TAF4B: variants seen among roughly 807,000 people sequenced by gnomAD.
TAF4B encodes the protein TATA-box binding protein associated factor 4b.
Under a neutral mutation model 86.4 loss-of-function variants are expected in TAF4B, and 38 were observed. The observed-to-expected ratio is 0.44, with a 90% CI of 0.34 to 0.58. TAF4B has a LOEUF of 0.58. Ranked by LOEUF, TAF4B falls within the 20% of genes least tolerant of loss-of-function variation. The pLI is 0.02. For synonymous variants in TAF4B, 388 were observed against 391.2 expected (o/e 0.99, Z 0.10); for missense variants, 988 against 1,027.6 (o/e 0.96, Z 0.53).
chr18:26,303,621 TCCCTCCACTTTCATACC>T (rs71169845), intron 9 of TAF4B, among the ~76,000 whole-genome samples: 20,007 of 35,156 alleles, frequency 0.57, 9,197 homozygotes, highest in Non-Finnish European at 0.69. Flanking sequence ...ACTTTCATCC[TCCCTCCACTTTCATACC>T]CCCTCCACTT....
intron 14 of TAF4B, among the ~76,000 whole-genome samples, chr18:26,384,127 G>A (rs1049704006): frequency 6.6e-5 from 10 of 152,108 alleles, no homozygotes; most frequent in Admixed American, 5.2e-4. Context: ...CCTTAAAGCT[G>A]AAAAGACTTG....
At chr18:26,272,788 G>A (rs2056337538) in intron 3 of TAF4B, among the ~76,000 whole-genome samples, 1 of 152,094 alleles carries the variant, frequency 6.6e-6, no homozygotes, top group Non-Finnish European at 1.5e-5. Flanking sequence ...AAATTTATTA[G>A]AAAATCTCCA....
At chr18:26,332,387 C>T (rs1188409662) in intron 12 of TAF4B, among the ~76,000 whole-genome samples, 3 of 152,200 alleles carry the variant, frequency 2.0e-5, no homozygotes, top group Non-Finnish European at 2.9e-5. Context: ...AATTGCTCTG[C>T]GTGCCTTTCC....
At chr18:26,344,592 G>A (rs894613016) in intron 13 of TAF4B, among the ~76,000 whole-genome samples, 2 of 152,094 alleles carry the variant, frequency 1.3e-5, no homozygotes, top group Non-Finnish European at 2.9e-5. Context: ...GACACCAAAG[G>A]GAAGCTGAAC....
chr18:26,292,771 C>T (rs1469249082), intron 8 of TAF4B, among the ~76,000 whole-genome samples: 5 of 152,170 alleles, frequency 3.3e-5, no homozygotes, highest in African/African-American at 1.2e-4. Context: ...GGTCAATCCA[C>T]CCACCTTGGC....
At position 26,252,845 on chromosome 18, in the gene TAF4B, A is replaced by G. The variant is rs139267579; in HGVS notation, c.344-12325A>G. 2.0e-3 allele frequency among the ~76,000 whole-genome samples: 305 copies of G among 149,832 alleles called. 1 individual carries two copies. The highest frequency in any genetic ancestry group is 7.2e-3 in the African/African-American group (295 of 40,980). Reference sequence around the variant, plus strand: ...TTTATTTATTTATATATATTTTATTATTAGTTATTGTTGCCAGTATGTTAC... The same window carrying G: ...TTTATTTATTTATATATATTTTATTGTTAGTTATTGTTGCCAGTATGTTAC... On this transcript the variant is annotated intron_variant, in intron 1 of 14. Coordinates refer to ENST00000269142, the MANE Select transcript of TAF4B (RefSeq NM_005640.3).
chr18:26,373,260 G>A (rs1467956517), intron 14 of TAF4B, among the ~76,000 whole-genome samples: 1 of 152,088 alleles, frequency 6.6e-6, no homozygotes, highest in African/African-American at 2.4e-5. Context: ...CCCTAGTCAG[G>A]AGGTCCAAAG....
intron 9 of TAF4B, among the ~76,000 whole-genome samples, chr18:26,303,330 A>C (rs1252997902): frequency 9.3e-5 from 6 of 64,684 alleles, no homozygotes; most frequent in African/African-American, 2.0e-4. Context: ...CCACTTTCAT[A>C]CCTCCTCCAC....
At chr18:26,336,586 C>CAAGA (rs1280633722) in intron 13 of TAF4B, among the ~76,000 whole-genome samples, 2 of 152,056 alleles carry the variant, frequency 1.3e-5, no homozygotes, top group African/African-American at 4.8e-5. Flanking sequence ...TTTTCAGCAA[C>CAAGA]AAGATATTCC....
chr18:26,226,790 G>A lies in TAF4B; in HGVS notation c.-144G>A, dbSNP rs1262648335. On this transcript the variant is annotated 5_prime_UTR_variant, in exon 1 of 15. Transcript: ENST00000269142. ...TGCCGTGCAGCGGGCGCCCGTCACT[G>A]ACTTCGCTGCTGCGGCCCCCGCGCC... The A allele has an allele frequency of 8.3e-6, 5 of 600,718 alleles. No individual in the cohort carries two copies. Among genetic ancestry groups the A allele is most frequent in the Non-Finnish European group, 1.3e-5 (5 of 393,780 alleles). The allele number at this position is 600,718 out of a possible 1,614,324, so 37.2% of individuals were successfully genotyped here.
intron 1 of TAF4B, among the ~76,000 whole-genome samples, chr18:26,242,455 C>T (rs980339654): frequency 1.4e-4 from 22 of 152,140 alleles, no homozygotes; most frequent in Admixed American, 2.6e-4. Context: ...TCCTCCATCC[C>T]TTTATTTTGA....
chr18:26,278,645 A>G (rs1213576423), intron 5 of TAF4B, among the ~76,000 whole-genome samples: 12 of 148,956 alleles, frequency 8.1e-5, no homozygotes, highest in African/African-American at 3.0e-4. Context: ...CCAAGCACAT[A>G]GCACTGTAGA....
intron 7 of TAF4B, 119 bp downstream of exon 7, chr18:26,286,618 TA>T (rs1312091043): frequency 1.9e-6 from 2 of 1,075,382 alleles, no homozygotes; most frequent in Admixed American, 4.3e-5. Context: ...TTTGACCAAT[TA>T]ATTTTTTTTT....
At position 26,286,323 on chromosome 18, in the gene TAF4B, G is replaced by A; in HGVS notation, c.1414G>A (p.Gly472Arg). Residue 472 changes from glycine to arginine, a missense_variant, in exon 7 of 15, where the codon GGA becomes AGA. By Grantham distance (125) the Gly-to-Arg change is moderately radical (BLOSUM62 -2). This residue lies in a region of TAF4B where 747 missense variants were observed against 737.9 expected (regional missense o/e 1.01). Transcript: ENST00000269142. ...ACTGTCCCTTCCAGCAGTAACTTTT[G>A]GAGAAACTTCAGGTGCAGCTATTTG... ...VTLSLPAVTFGETSGAAICLP... is the reference protein window; with the variant it reads ...VTLSLPAVTFRETSGAAICLP... 1 of 1,614,190 alleles carries A rather than the reference G, an allele frequency of 6.2e-7. No homozygotes were observed. The highest frequency in any genetic ancestry group is 8.5e-7 in the Non-Finnish European group (1 of 1,180,028).
At chr18:26,321,015 A>T in intron 10 of TAF4B, 55 bp from the exon 11 acceptor site, 1 of 1,605,922 alleles carries the variant, frequency 6.2e-7, no homozygotes. Flanking sequence ...TGTGCTAATT[A>T]TTTCAATTAT....
chr18:26,359,753 C>T (rs2057316101), intron 14 of TAF4B, among the ~76,000 whole-genome samples: 1 of 152,106 alleles, frequency 6.6e-6, no homozygotes, highest in African/African-American at 2.4e-5. Flanking sequence ...ATAGGTCTTG[C>T]TCTGTCACCC....
intron 13 of TAF4B, among the ~76,000 whole-genome samples, chr18:26,351,471 A>G (rs2057245722): frequency 6.6e-6 from 1 of 152,166 alleles, no homozygotes; most frequent in African/African-American, 2.4e-5. Flanking sequence ...ATAGTTAATA[A>G]TGCATAGTTT....
chr18:26,333,690 A>G (rs977670004), intron 12 of TAF4B, among the ~76,000 whole-genome samples: 21 of 152,266 alleles, frequency 1.4e-4, no homozygotes, highest in African/African-American at 4.8e-4. Flanking sequence ...CCTCTAGCCT[A>G]TTTAATTTCC....
chr18:26,311,628 C>CA (rs905259377), intron 9 of TAF4B, among the ~76,000 whole-genome samples: 16 of 151,810 alleles, frequency 1.1e-4, no homozygotes, highest in African/African-American at 3.9e-4. Context: ...CTCAAAGAAA[C>CA]AAAAAAACAA....
Sources: gnomAD v4.1 joint callset for allele counts (sites outside exome capture counted in the v4.1 genomes callset) on GRCh38, gnomAD v4.1.1 for gene constraint, gnomAD v4.1.1 regional missense constraint, MANE v1.5 for transcripts, NCBI Gene and HGNC (gene_info 2026-07-23, HGNC 2026-07-21) for gene names.